Variants in ZNF385B observed in about 807,000 individuals in gnomAD.
ZNF385B encodes zinc finger protein 533.
A neutral mutation model predicts 39.2 loss-of-function variants in ZNF385B; 23 were observed. The observed-to-expected ratio is 0.59, with a 90% CI of 0.42 to 0.83. The LOEUF (loss-of-function observed/expected upper bound fraction) is 0.83. Ranked by LOEUF, ZNF385B falls within the 40% of genes least tolerant of loss-of-function variation. ZNF385B has a pLI of 0.00. For synonymous variants in ZNF385B, 205 were observed against 222.6 expected (o/e 0.92, Z 0.70); for missense variants, 552 against 598.9 (o/e 0.92, Z 0.82).
At chr2:179,641,345 T>A (rs3106696) in intron 3 of ZNF385B, among the ~76,000 whole-genome samples, 2 of 152,156 alleles carry the variant, frequency 1.3e-5, no homozygotes, top group South Asian at 2.1e-4. Context: ...ACCTTCCCCA[T>A]GCAGTTATAT....
Position 179,446,630 on chromosome 2 carries a change from C to G in ZNF385B, c.856G>C (p.Gly286Arg), listed in dbSNP as rs148361659. The G allele has an allele frequency of 5.6e-6, 9 of 1,613,932 alleles. No homozygotes were observed. In the Admixed American group the frequency reaches 1.5e-4, roughly 27 times the overall value. Residue 286 changes from glycine to arginine, a missense_variant, in exon 7 of 10, where the codon GGT becomes CGT. Transcript: ENST00000410066. ...SPSKSTNGAP[G>R]TVVESEEEKA... ...TCTTCTTCTGATTCAACAACAGTAC[C>G]GGGAGCTCCATTTGTGCTCTTGGAG...
chr2:179,583,506 A>C (rs1397243536), intron 3 of ZNF385B, among the ~76,000 whole-genome samples: 2 of 152,224 alleles, frequency 1.3e-5, no homozygotes, highest in African/African-American at 4.8e-5. Context: ...ATTAGTTGAG[A>C]ATACTGAAGA....
chr2:179,667,032 A>G (rs1197148572), intron 3 of ZNF385B, among the ~76,000 whole-genome samples: 3 of 152,206 alleles, frequency 2.0e-5, no homozygotes, highest in Admixed American at 6.5e-5. Flanking sequence ...GCATAATAAA[A>G]TATGTATTAC....
In ZNF385B at chr2:179,544,898, C is replaced by G. The variant is rs1409174197; in HGVS notation, c.370G>C (p.Asp124His). ...TPTLMMQPSL[D>H]IKPFMSFPVD... The stretch of plus-strand genomic sequence containing the variant: ...GGAAAAGACATAAATGGTTTGATAT[C>G]CAGTGAAGGCTGCATCATCAGGGTA... The change falls in exon 4 of 10, where the codon GAT becomes CAT. Residue 124 changes from aspartate (D) to histidine (H), a missense_variant. Transcript: ENST00000410066. The G allele has an allele frequency of 6.2e-7, 1 of 1,613,988 alleles. No individual in the cohort carries two copies. Among genetic ancestry groups the G allele is most frequent in the African/African-American group, 1.3e-5 (1 of 74,926 alleles).
In ZNF385B at chr2:179,493,803, A is replaced by ATATGCATATATGTATACATATATGTG. The variant is rs1559338808; in HGVS notation, c.553-10370_553-10369insCACATATATGTATACATATATGCATA. 5.0e-5 allele frequency among the ~76,000 whole-genome samples: 6 copies of ATATGCATATATGTATACATATATGTG among 119,636 alleles called. 1 individual carries two copies. In the South Asian group the frequency reaches 1.4e-3, roughly 27 times the overall value. 78.5% of individuals were successfully genotyped at this position (119,636 alleles called of 152,430 possible). The stretch of plus-strand genomic sequence containing the variant: ...TATACACATATGTATACATATATGT[A>ATATGCATATATGTATACATATATGTG]TATATACATATATATATAGCAGAGG... On this transcript the variant is annotated intron_variant, in intron 5 of 9. Coordinates refer to ENST00000410066, the MANE Select transcript of ZNF385B (RefSeq NM_152520.6).
At chr2:179,469,859 TTA>T (rs2052537753) in intron 6 of ZNF385B, among the ~76,000 whole-genome samples, 1 of 152,166 alleles carries the variant, frequency 6.6e-6, no homozygotes, top group African/African-American at 2.4e-5. Flanking sequence ...ACTATTCTCT[TTA>T]GATTAATCTG....
At chr2:179,619,808 T>C (rs989585360) in intron 3 of ZNF385B, among the ~76,000 whole-genome samples, 3 of 152,122 alleles carry the variant, frequency 2.0e-5, no homozygotes, top group Non-Finnish European at 4.4e-5. Context: ...TATAAATACA[T>C]AGAAAATAAA....
Position 179,523,190 on chromosome 2 carries a change from G to A in ZNF385B, c.442-4552C>T, listed in dbSNP as rs146367057. ...TTACCAGGAACTGAGGAGGTAATTG[G>A]AGGCCATGTACAGACAAATTAACAA... On this transcript the variant is annotated intron_variant, in intron 4 of 9. Transcript: ENST00000410066. 1.6e-4 allele frequency among the ~76,000 whole-genome samples: 25 copies of A among 152,196 alleles called. No individual in the cohort carries two copies. The East Asian group carries it at 3.7e-3, about 22-fold the overall frequency.
At chr2:179,599,582 T>G (rs1688253999) in intron 3 of ZNF385B, among the ~76,000 whole-genome samples, 1 of 152,218 alleles carries the variant, frequency 6.6e-6, no homozygotes, top group Non-Finnish European at 1.5e-5. Flanking sequence ...ATATCTCCAT[T>G]AAGTTATTTA....
chr2:179,511,286 G>C (rs2105776732), intron 5 of ZNF385B, among the ~76,000 whole-genome samples: 1 of 152,300 alleles, frequency 6.6e-6, no homozygotes, highest in South Asian at 2.1e-4. Context: ...GACAGAGAAT[G>C]CCAGCGCCTC....
intron 1 of ZNF385B, among the ~76,000 whole-genome samples, chr2:179,810,694 C>G (rs1192367708): frequency 6.6e-6 from 1 of 151,836 alleles, no homozygotes; most frequent in East Asian, 1.9e-4. Flanking sequence ...ACAAATAAAA[C>G]CAATTTTCTC....
intron 1 of ZNF385B, among the ~76,000 whole-genome samples, chr2:179,797,985 GA>G (rs1705782398): frequency 6.6e-6 from 1 of 152,030 alleles, no homozygotes; most frequent in East Asian, 1.9e-4. Context: ...AGTTTATAGA[GA>G]AAAGAGGAAA....
intron 3 of ZNF385B, among the ~76,000 whole-genome samples, chr2:179,633,506 T>C (rs765374370): frequency 1.3e-5 from 2 of 152,206 alleles, no homozygotes; most frequent in Non-Finnish European, 2.9e-5. Context: ...TCAGCAGACC[T>C]TCATGCTAAA....
chr2:179,842,076 A>T (rs1280249230), intron 1 of ZNF385B, among the ~76,000 whole-genome samples: 1 of 152,218 alleles, frequency 6.6e-6, no homozygotes, highest in African/African-American at 2.4e-5. Flanking sequence ...GGAGATAATG[A>T]CAGTACATAC....
At chr2:179,651,245 A>G (rs970914841) in intron 3 of ZNF385B, among the ~76,000 whole-genome samples, 1 of 152,256 alleles carries the variant, frequency 6.6e-6, no homozygotes, top group South Asian at 2.1e-4. Flanking sequence ...TCAATACTGT[A>G]TATGCTATAT....
intron 3 of ZNF385B, among the ~76,000 whole-genome samples, chr2:179,643,231 T>C (rs932478432): frequency 4.0e-3 from 15 of 3,736 alleles, no homozygotes; most frequent in Admixed American, 0.028. Flanking sequence ...AATACTTAAA[T>C]ACATTGATGA....
At chr2:179,653,337 T>G (rs1215007102) in intron 3 of ZNF385B, among the ~76,000 whole-genome samples, 1 of 152,142 alleles carries the variant, frequency 6.6e-6, no homozygotes, top group Admixed American at 6.5e-5. Flanking sequence ...TTCTTTTGAG[T>G]TCCTTCTGTG....
intron 1 of ZNF385B, among the ~76,000 whole-genome samples, chr2:179,812,838 A>T (rs1706821691): frequency 6.6e-6 from 1 of 152,164 alleles, no homozygotes; most frequent in South Asian, 2.1e-4. Flanking sequence ...TTGATTTTTT[A>T]AATATTTCTT....
At chr2:179,465,125 C>G (rs1444690826) in intron 6 of ZNF385B, among the ~76,000 whole-genome samples, 1 of 152,056 alleles carries the variant, frequency 6.6e-6, no homozygotes, top group Non-Finnish European at 1.5e-5. Context: ...AAACTTTTTC[C>G]CTTCAATGTC....
Sources: allele counts gnomAD v4.1 joint callset (sites outside exome capture counted in the v4.1 genomes callset), GRCh38; gene constraint gnomAD v4.1.1; transcripts MANE v1.5; gene names NCBI Gene and HGNC (gene_info 2026-07-23, HGNC 2026-07-21).